The following DENND1A variants were observed in gnomAD, a reference collection of about 807,000 sequenced individuals.
DENND1A encodes the protein DENN domain-containing protein 1A.
DENND1A carries 51 observed loss-of-function variants against 113.7 expected under a neutral mutation model. The observed-to-expected ratio is 0.45, with a 90% CI of 0.36 to 0.57. The LOEUF is 0.57. Among genes scored for constraint, DENND1A ranks in the 20% least tolerant of loss-of-function variants. The pLI is 0.00. For missense variants in DENND1A, 1,258 were observed against 1,395.9 expected, an observed-to-expected ratio of 0.90 and a Z score of 1.57; for synonymous variants, 565 against 570.8, an observed-to-expected ratio of 0.99 and a Z score of 0.14.
intron 13 of DENND1A, among the ~76,000 whole-genome samples, chr9:123,502,520 G>T (rs1390452574): frequency 6.6e-6 from 1 of 152,092 alleles, no homozygotes; most frequent in African/African-American, 2.4e-5. Flanking sequence ...GCCTATGTTT[G>T]AATCAGTTGT....
chr9:123,426,425 C>G (rs778163886), intron 19 of DENND1A, among the ~76,000 whole-genome samples: 1 of 152,142 alleles, frequency 6.6e-6, no homozygotes, highest in Non-Finnish European at 1.5e-5. Context: ...ATTCTAGTAG[C>G]TGAAGCTTGT....
chr9:123,639,083 AAG>A (rs1442185716), intron 9 of DENND1A, among the ~76,000 whole-genome samples: 16 of 149,394 alleles, frequency 1.1e-4, no homozygotes, highest in African/African-American at 2.0e-4. Context: ...AAGAAAAAAA[AAG>A]AAAAAGAAAA....
intron 13 of DENND1A, among the ~76,000 whole-genome samples, chr9:123,556,600 G>A (rs1330221277): frequency 6.6e-6 from 1 of 152,252 alleles, no homozygotes; most frequent in African/African-American, 2.4e-5. Context: ...CCTATAGGCA[G>A]TGAAGCCAGT....
Position 123,736,080 on chromosome 9 carries a change from G to A in DENND1A, c.302+21623C>T, listed in dbSNP as rs527686247. 2.0e-5 allele frequency among the ~76,000 whole-genome samples: 3 copies of A among 152,268 alleles called. No individual in the cohort carries two copies. In the South Asian group the frequency reaches 6.2e-4, roughly 32 times the overall value. On this transcript the variant is annotated intron_variant, in intron 5 of 23. Coordinates refer to ENST00000394215, the MANE Select transcript of DENND1A (RefSeq NM_001352964.2). ...TTCTCTACCAATGTACTCATAGCTGGATAAGTAGTTCTAATGAGAACTAAA... is the reference window on the plus strand; with the variant it reads ...TTCTCTACCAATGTACTCATAGCTGAATAAGTAGTTCTAATGAGAACTAAA...
intron 5 of DENND1A, among the ~76,000 whole-genome samples, chr9:123,678,901 C>T (rs938868747): frequency 2.6e-5 from 4 of 152,172 alleles, no homozygotes; most frequent in Admixed American, 6.5e-5. Flanking sequence ...ATAAGTTTCT[C>T]CTTTCCTATT....
chr9:123,534,819 T>C (rs368889054), intron 13 of DENND1A, among the ~76,000 whole-genome samples: 5 of 152,372 alleles, frequency 3.3e-5, no homozygotes, highest in East Asian at 3.9e-4. Flanking sequence ...CATTGATTTA[T>C]AGAAATACTT....
chr9:123,708,266 C>G (rs1255216540), intron 5 of DENND1A, among the ~76,000 whole-genome samples: 1 of 152,078 alleles, frequency 6.6e-6, no homozygotes, highest in African/African-American at 2.4e-5. Flanking sequence ...TTATCATTAC[C>G]TTACATATAT....
At chr9:123,399,096 G>A (rs1433953079) in intron 21 of DENND1A, among the ~76,000 whole-genome samples, 3 of 152,078 alleles carry the variant, frequency 2.0e-5, no homozygotes, top group African/African-American at 2.4e-5. Flanking sequence ...GCGCCCGGCC[G>A]TGGCCTGCTT....
chr9:123,721,381 C>T (rs942722555), intron 5 of DENND1A, among the ~76,000 whole-genome samples: 2 of 152,182 alleles, frequency 1.3e-5, no homozygotes, highest in East Asian at 1.9e-4. Context: ...GGCCTCTGCC[C>T]GTGCTGTCCA....
At chr9:123,688,278 A>C (rs763539827) in intron 5 of DENND1A, among the ~76,000 whole-genome samples, 12 of 152,172 alleles carry the variant, frequency 7.9e-5, no homozygotes, top group Admixed American at 2.0e-4. Flanking sequence ...CTGGAAAAAA[A>C]TCCCTGGGAA....
At chr9:123,707,508 A>G (rs2066305115) in intron 5 of DENND1A, among the ~76,000 whole-genome samples, 1 of 152,184 alleles carries the variant, frequency 6.6e-6, no homozygotes. Context: ...AGAAAAGCCA[A>G]GGAAGTAGCA....
chr9:123,726,515 G>A (rs2067719558), intron 5 of DENND1A, among the ~76,000 whole-genome samples: 1 of 152,144 alleles, frequency 6.6e-6, no homozygotes, highest in Admixed American at 6.5e-5. Context: ...TTTATTCACA[G>A]CTGAATCCCC....
At chr9:123,583,382 G>A (rs2059016360) in intron 11 of DENND1A, 112 bp from the exon 12 acceptor site, 2 of 729,500 alleles carry the variant, frequency 2.7e-6, no homozygotes, top group Non-Finnish European at 4.6e-6. Context: ...ATTTGACAAA[G>A]TCTTACTCTG....
intron 1 of DENND1A, among the ~76,000 whole-genome samples, chr9:123,890,553 C>T (rs1270239623): frequency 6.6e-6 from 1 of 152,166 alleles, no homozygotes; most frequent in African/African-American, 2.4e-5. Context: ...AAGACCAAGT[C>T]ACTTCTAAAT....
chr9:123,464,994 C>CAA (rs10655282), intron 13 of DENND1A, among the ~76,000 whole-genome samples: 30,128 of 70,452 alleles, frequency 0.43, 6,849 homozygotes, highest in East Asian at 0.54. Context: ...ACTAAAAATA[C>CAA]AAAAAAAAAA....
At position 123,422,324 on chromosome 9, in the gene DENND1A, G is replaced by C. The variant is rs1322859613; in HGVS notation, c.1489-10495C>G. Among the ~76,000 whole-genome samples, 2 of 152,186 alleles carry C rather than the reference G, an allele frequency of 1.3e-5. No individual in the cohort carries two copies. Among genetic ancestry groups the C allele is most frequent in the Non-Finnish European group, 2.9e-5 (2 of 68,038 alleles). ...AACATTCCTGGCATGCTTCTGATCA[G>C]GAAAAACCCTCTACCTACAGGTTTC... On this transcript the variant is annotated intron_variant, in intron 19 of 23. Transcript: ENST00000394215. This position sits in a 1 kb window ranked among gnomAD's most constrained non-coding sequence, Gnocchi z 4.8.
At chr9:123,486,576 C>G (rs2050886861) in intron 13 of DENND1A, among the ~76,000 whole-genome samples, 1 of 152,160 alleles carries the variant, frequency 6.6e-6, no homozygotes, top group South Asian at 2.1e-4. Context: ...CCATGGCCAA[C>G]AGGAGCCTCT....
At chr9:123,671,579 T>C (rs1026231924) in intron 6 of DENND1A, among the ~76,000 whole-genome samples, 1 of 152,092 alleles carries the variant, frequency 6.6e-6, no homozygotes, top group Non-Finnish European at 1.5e-5. Flanking sequence ...TACACCAAGT[T>C]TGACATTTTC....
chr9:123,402,735 G>A, intron 21 of DENND1A: 1 of 420,604 alleles, frequency 2.4e-6, no homozygotes, highest in Non-Finnish European at 4.9e-6. Flanking sequence ...CTGGACTCGG[G>A]GCTATCTGCA....
Sources: allele counts gnomAD v4.1 joint callset (sites outside exome capture counted in the v4.1 genomes callset), GRCh38; gene constraint gnomAD v4.1.1; non-coding constraint Gnocchi (gnomAD v3.1); transcripts MANE v1.5; gene names NCBI Gene and HGNC (gene_info 2026-07-23, HGNC 2026-07-21).